Variants in EXOC3 observed in about 807,000 individuals in gnomAD.
The protein encoded by EXOC3 is exocyst complex component 3, also known as SEC6-like 1.
Under a neutral mutation model 73.7 loss-of-function variants are expected in EXOC3, and 21 were observed. The ratio of observed to expected loss-of-function variants is 0.29; its 90% CI spans 0.20 to 0.41. The LOEUF is 0.41. Among genes scored for constraint, EXOC3 ranks in the 10% least tolerant of loss-of-function variants. EXOC3 has a pLI of 1.00. For synonymous variants in EXOC3, 410 were observed against 389.1 expected, an observed-to-expected ratio of 1.05 and a Z score of -0.63; for missense variants, 842 against 985.1, an observed-to-expected ratio of 0.85 and a Z score of 1.95.
In EXOC3 at chr5:462,273, G is replaced by A. The variant is rs375770333; in HGVS notation, c.1619G>A (p.Ser540Asn). The A allele has an allele frequency of 7.9e-5, 128 of 1,613,896 alleles. No homozygotes were observed. The highest frequency in any genetic ancestry group is 1.2e-4 in the Admixed American group (7 of 60,012). ...ILDAIAKEGC[S>N]GLLEEVFLDL... ...GACGCCATCGCGAAGGAGGGCTGCA[G>A]CGGTTTGCTGGAGGAGGTCTTCCTG... The change falls in exon 9 of 13, where the codon AGC (serine) becomes AAC (asparagine). Residue 540 changes from serine (S) to asparagine (N), a missense_variant. By Grantham distance (46) the Ser-to-Asn change is conservative. Transcript: ENST00000512944.
At chr5:451,446 C>G (rs1039186813) in intron 3 of EXOC3, among the ~76,000 whole-genome samples, 1 of 152,066 alleles carries the variant, frequency 6.6e-6, no homozygotes, top group African/African-American at 2.4e-5. Flanking sequence ...AGGTAGAAAA[C>G]AATGTGGAGT....
chr5:453,805 C>G lies in EXOC3; in HGVS notation c.800C>G (p.Thr267Ser), dbSNP rs1198390111. ...TTRIEGTQAD[T>S]RESDKMWLVR... ...AGAATTGAGGGCACACAGGCAGATA[C>G]CAGAGAGTCTGACAAGATGTGGCTT... The change falls in exon 4 of 13, where the codon ACC (threonine) becomes AGC (serine). Residue 267 changes from threonine to serine, a missense_variant. Thr to Ser is a moderately conservative substitution (Grantham distance 58). Transcript: ENST00000512944. The G allele has an allele frequency of 1.9e-6, 3 of 1,613,916 alleles. No homozygotes were observed. Among genetic ancestry groups the G allele is most frequent in the Admixed American group, 1.7e-5 (1 of 60,022 alleles).
intron 10 of EXOC3, 87 bp downstream of exon 10, chr5:464,499 C>T: frequency 7.0e-7 from 1 of 1,431,320 alleles, no homozygotes; most frequent in South Asian, 1.2e-5. Context: ...CAGCGAGTCC[C>T]TCCGTGAGTG....
At chr5:458,650 C>G (rs953347866) in intron 6 of EXOC3, among the ~76,000 whole-genome samples, 1 of 152,232 alleles carries the variant, frequency 6.6e-6, no homozygotes, top group Non-Finnish European at 1.5e-5. Flanking sequence ...CACGGATTCA[C>G]TTTCCAGTGT....
chr5:465,777 C>G lies in EXOC3; in HGVS notation c.1998C>G (p.Ile666Met). 1 of 1,613,820 alleles carries G rather than the reference C, an allele frequency of 6.2e-7. No individual in the cohort carries two copies. Among genetic ancestry groups the G allele is most frequent in the East Asian group, 2.2e-5 (1 of 44,888 alleles). The change falls in exon 12 of 13, where the codon ATC becomes ATG. Residue 666 changes from isoleucine (I) to methionine (M), a missense_variant. Transcript: ENST00000512944. ...CDTIVAVAEV[I>M]KLTDPSLLYL... is the part of the protein sequence containing the mutation. ...CCATCGTGGCTGTGGCCGAAGTGAT[C>G]AAGCTGACAGACCCTTCTCTGCTCT...
rs535977707 is a variant in EXOC3, at chr5:467,069, C to T, written c.*171C>T. On this transcript the variant is annotated 3_prime_UTR_variant, in exon 13 of 13. Transcript: ENST00000512944. ...GCGTCGAGTGAGCGTCCCGAGGCCACGTGCGGAGGCCCCTCACTGTGCTGT... is the reference window on the plus strand; with the variant it reads ...GCGTCGAGTGAGCGTCCCGAGGCCATGTGCGGAGGCCCCTCACTGTGCTGT... The T allele has an allele frequency of 4.0e-4, 263 of 652,808 alleles. No homozygotes were observed. Among genetic ancestry groups the T allele is most frequent in the South Asian group, 1.7e-3 (87 of 51,234 alleles). The allele number at this position is 652,808 out of a possible 1,614,324, so 40.4% of individuals were successfully genotyped here. A position where few individuals can be genotyped will look rare whatever the true frequency, so the allele number is the denominator to read the frequency against.
chr5:465,095 G>T lies in EXOC3; in HGVS notation c.1777-16G>T. On this transcript the variant is annotated splice_polypyrimidine_tract_variant and intron_variant, in intron 10 of 12. Transcript: ENST00000512944. ...AGAGCCGTGGAGCCTGCCGCTGACC[G>T]CGCGTGTCTCCCCAGAGGATGACGG... is the stretch of plus-strand genomic sequence containing the variant. 1 of 1,547,096 alleles carries T rather than the reference G, an allele frequency of 6.5e-7. No homozygotes were observed.
In EXOC3 at chr5:453,697, A is replaced by G; in HGVS notation, c.692A>G (p.Lys231Arg). 1 of 1,613,954 alleles carries G rather than the reference A, an allele frequency of 6.2e-7. No individual in the cohort carries two copies. The highest frequency in any genetic ancestry group is 1.1e-5 in the South Asian group (1 of 91,074). ...KIDRRILDRK[K>R]QTGFVPPGRP... ...GACAGGCGCATACTTGACCGGAAAA[A>G]GCAAACTGGCTTTGTTCCTCCTGGG... is the stretch of plus-strand genomic sequence containing the variant. The change falls in exon 4 of 13, where the codon AAG becomes AGG. Residue 231 changes from lysine (K) to arginine (R), a missense_variant. By Grantham distance (26) the Lys-to-Arg change is conservative. Transcript: ENST00000512944.
chr5:454,868 ATT>A (rs370854107), intron 4 of EXOC3, among the ~76,000 whole-genome samples: 4 of 110,784 alleles, frequency 3.6e-5, no homozygotes, highest in Non-Finnish European at 3.6e-5. Context: ...AATAAACCTC[ATT>A]TTTTTTTTTT....
At chr5:466,096 T>TG in intron 12 of EXOC3, 1 of 171,874 alleles carries the variant, frequency 5.8e-6, no homozygotes, top group Non-Finnish European at 1.2e-5. Flanking sequence ...GACAGTGGGG[T>TG]GGGGGCGGGG....
chr5:461,559 G>A (rs1319780864), intron 7 of EXOC3: 1 of 172,212 alleles, frequency 5.8e-6, no homozygotes, highest in Non-Finnish European at 1.2e-5. Flanking sequence ...GTTGCAGTGA[G>A]CCAAGGTCTC....
intron 9 of EXOC3, 117 bp from the exon 10 acceptor site, chr5:464,173 C>T (rs1255582986): frequency 2.0e-6 from 2 of 1,011,340 alleles, no homozygotes; most frequent in African/African-American, 1.6e-5. Context: ...GCCTCCCTCC[C>T]ACACTGCACG....
intron 1 of EXOC3, among the ~76,000 whole-genome samples, chr5:443,702 G>A (rs1222833767): frequency 6.6e-6 from 1 of 150,900 alleles, no homozygotes; most frequent in Non-Finnish European, 1.5e-5. Flanking sequence ...TGGCGCAGGT[G>A]TCCCCTCGGC....
intron 11 of EXOC3, 87 bp from the exon 12 acceptor site, chr5:465,631 G>T: frequency 1.3e-6 from 2 of 1,541,992 alleles, no homozygotes; most frequent in Admixed American, 1.8e-5. Flanking sequence ...GAGGTTCCCA[G>T]TCAGGAAGGG....
Position 462,184 on chromosome 5 carries a change from G to C in EXOC3, c.1530G>C (p.Lys510Asn), listed in dbSNP as rs374263956. 2 of 1,613,880 alleles carry C rather than the reference G, an allele frequency of 1.2e-6. No homozygotes were observed. Among genetic ancestry groups the C allele is most frequent in the African/African-American group, 1.3e-5 (1 of 74,954 alleles). The change falls in exon 9 of 13, where the codon AAG becomes AAC. Residue 510 changes from lysine (K) to asparagine (N), a missense_variant. By Grantham distance (94) the Lys-to-Asn change is moderately conservative. Transcript: ENST00000512944. ...AATCCATAGTCAGTTTAAAAAGAAA[G>C]TATTTAAAGAATGAAGTGGAAGAGG... ...FKESIVSLKR[K>N]YLKNEVEEGV...
Position 453,559 on chromosome 5 carries a change from A to G in EXOC3, c.554A>G (p.Asp185Gly). The G allele has an allele frequency of 6.2e-7, 1 of 1,613,994 alleles. No homozygotes were observed. The highest frequency in any genetic ancestry group is 8.5e-7 in the Non-Finnish European group (1 of 1,179,872). The change falls in exon 4 of 13, where the codon GAT (aspartate) becomes GGT (glycine). Residue 185 changes from aspartate to glycine, a missense_variant. By Grantham distance (94) the Asp-to-Gly change is moderately conservative. Coordinates refer to ENST00000512944, the MANE Select transcript of EXOC3 (RefSeq NM_007277.5). ...TTTGGCAGCACGCAGGGGCTCTCTG[A>G]TGAGCTGGCTAAGCAGCTGTGGATG... Reference protein sequence around the residue: ...GYFGSTQGLSDELAKQLWMVL... With the variant: ...GYFGSTQGLSGELAKQLWMVL...
intron 11 of EXOC3, 29 bp from the exon 12 acceptor site, chr5:465,689 C>T (rs1174079392): frequency 1.2e-6 from 2 of 1,612,980 alleles, no homozygotes; most frequent in East Asian, 2.2e-5. Context: ...CAGCCGAGGG[C>T]GGCTCCTCAC....
intron 3 of EXOC3, 74 bp from the exon 4 acceptor site, chr5:453,295 TC>T: frequency 8.6e-7 from 1 of 1,162,640 alleles, no homozygotes. Flanking sequence ...TCTGCCGTGT[TC>T]CCAGAACACC....
chr5:453,309 A>G, intron 3 of EXOC3, 61 bp from the exon 4 acceptor site: 2 of 1,341,500 alleles, frequency 1.5e-6, no homozygotes, highest in Non-Finnish European at 2.1e-6. Flanking sequence ...AGAACACCGC[A>G]TGCAGGCAGC....
Sources: gnomAD v4.1 joint callset for allele counts (sites outside exome capture counted in the v4.1 genomes callset) on GRCh38, gnomAD v4.1.1 for gene constraint, MANE v1.5 for transcripts, NCBI Gene and HGNC (gene_info 2026-07-23, HGNC 2026-07-21) for gene names.